MCC: variants seen among roughly 807,000 people sequenced by gnomAD.
MCC encodes the protein colorectal mutant cancer protein.
Under a neutral mutation model 116.2 loss-of-function variants are expected in MCC, and 90 were observed. The ratio of observed to expected loss-of-function variants is 0.77; its 90% CI spans 0.65 to 0.92. The LOEUF (loss-of-function observed/expected upper bound fraction) is 0.92, where lower values mean the gene tolerates loss of function less well. Ranked by LOEUF, MCC falls within the 40% of genes least tolerant of loss-of-function variation. The pLI is 0.00. For missense variants in MCC, 1,516 were observed against 1,312.2 expected (o/e 1.16, Z -2.40); for synonymous variants, 578 against 510.5 (o/e 1.13, Z -1.78).
chr5:113,443,735 C>G (rs996162084), intron 1 of MCC, among the ~76,000 whole-genome samples: 1 of 152,134 alleles, frequency 6.6e-6, no homozygotes, highest in Non-Finnish European at 1.5e-5. Context: ...AAGGCCTTTT[C>G]TGTATCTCTT....
intron 2 of MCC, among the ~76,000 whole-genome samples, chr5:113,348,108 A>G (rs1768177472): frequency 6.6e-6 from 1 of 152,128 alleles, no homozygotes; most frequent in Non-Finnish European, 1.5e-5. Context: ...TCTCAATGCC[A>G]TAATTGCTTG....
chr5:113,062,138 C>A (rs894233275), intron 14 of MCC, among the ~76,000 whole-genome samples: 1 of 152,108 alleles, frequency 6.6e-6, no homozygotes. Flanking sequence ...GAGCTAAAGA[C>A]CTCTGTACTT....
At chr5:113,287,041 A>G (rs1766289697) in intron 3 of MCC, among the ~76,000 whole-genome samples, 1 of 152,108 alleles carries the variant, frequency 6.6e-6, no homozygotes, top group Non-Finnish European at 1.5e-5. Flanking sequence ...CACCCCCAAG[A>G]GTGAAAGATA....
At chr5:113,421,653 C>A (rs1010413701) in intron 1 of MCC, among the ~76,000 whole-genome samples, 1 of 152,138 alleles carries the variant, frequency 6.6e-6, no homozygotes, top group African/African-American at 2.4e-5. Flanking sequence ...TAGGAAGGAC[C>A]CAGACTCTCT....
chr5:113,112,465 C>T (rs1181682594), intron 6 of MCC, among the ~76,000 whole-genome samples: 1 of 152,184 alleles, frequency 6.6e-6, no homozygotes, highest in Admixed American at 6.5e-5. Context: ...GTGCTTGCTT[C>T]CCCTTCACCT....
intron 1 of MCC, among the ~76,000 whole-genome samples, chr5:113,430,218 G>T (rs993276854): frequency 3.3e-5 from 5 of 152,186 alleles, no homozygotes; most frequent in African/African-American, 7.2e-5. Flanking sequence ...AGCCTGGGAG[G>T]TACACCAATC....
At position 113,330,244 on chromosome 5, in the gene MCC, G is replaced by A. The variant is rs530531426; in HGVS notation, c.627+10275C>T. On this transcript the variant is annotated intron_variant, in intron 3 of 18. Coordinates refer to ENST00000408903, the MANE Select transcript of MCC (RefSeq NM_001085377.2). ...GTAATGGAGCAGAGCTCTCTGAACC[G>A]CTTCTGGTTCTGAGAGCTGAGTGAT... Among the ~76,000 whole-genome samples, 110 of 152,262 alleles carry A rather than the reference G, an allele frequency of 7.2e-4. 1 individual carries two copies. The Middle Eastern group carries it at 0.014, about 19-fold the overall frequency.
Position 113,308,231 on chromosome 5 carries a change from T to C in MCC, c.627+32288A>G, listed in dbSNP as rs150957372. Among the ~76,000 whole-genome samples, 1,498 of 152,300 alleles carry C rather than the reference T, an allele frequency of 9.8e-3. 8 individuals carry two copies. Among genetic ancestry groups the C allele is most frequent in the Non-Finnish European group, 0.017 (1,130 of 68,028 alleles). ...AACAATTCTTTGGTGCCTGTCTAAA[T>C]CTTAACAACTTTTTAACTCTTGTCC... On this transcript the variant is annotated intron_variant, in intron 3 of 18. Coordinates refer to ENST00000408903, the MANE Select transcript of MCC (RefSeq NM_001085377.2).
At chr5:113,048,935 T>G in intron 16 of MCC, 158 bp downstream of exon 16, 1 of 681,132 alleles carries the variant, frequency 1.5e-6, no homozygotes. Context: ...TTCATTACAC[T>G]CAAAATGTCA....
At chr5:113,214,689 C>T (rs935385671) in intron 3 of MCC, among the ~76,000 whole-genome samples, 13 of 152,190 alleles carry the variant, frequency 8.5e-5, no homozygotes, top group Non-Finnish European at 1.6e-4. Flanking sequence ...TCCCAGATCA[C>T]TTGGATCTGC....
At chr5:113,417,804 C>T (rs1047735816) in intron 1 of MCC, among the ~76,000 whole-genome samples, 1 of 152,082 alleles carries the variant, frequency 6.6e-6, no homozygotes, top group Non-Finnish European at 1.5e-5. Context: ...TGGTACACGC[C>T]TGTAGTCCTA....
At chr5:113,098,820 TG>T (rs1756210665) in intron 8 of MCC, among the ~76,000 whole-genome samples, 5 of 152,120 alleles carry the variant, frequency 3.3e-5, no homozygotes, top group Admixed American at 2.6e-4. Flanking sequence ...AAAAAGAAAG[TG>T]GCCCCAATTG....
At chr5:113,157,059 CA>C (rs200494826) in intron 3 of MCC, among the ~76,000 whole-genome samples, 2,115 of 152,274 alleles carry the variant, frequency 0.014, 47 homozygotes, top group African/African-American at 0.044. Flanking sequence ...TGCTGTGTGA[CA>C]AAAGGCTTCA....
At chr5:113,412,981 G>C (rs1322125210) in intron 1 of MCC, among the ~76,000 whole-genome samples, 1 of 152,192 alleles carries the variant, frequency 6.6e-6, no homozygotes, top group Admixed American at 6.6e-5. Context: ...TTAGCATGAA[G>C]AGTTGTTGAA....
chr5:113,065,240 T>C (rs779761339), intron 13 of MCC, among the ~76,000 whole-genome samples: 2 of 152,128 alleles, frequency 1.3e-5, no homozygotes, highest in Non-Finnish European at 2.9e-5. Context: ...GTAACTAATA[T>C]ACTACCCTGG....
rs571441488 is a variant in MCC, at chr5:113,041,095, A to G, written c.2756+2435T>C. On this transcript the variant is annotated intron_variant, in intron 17 of 18. Coordinates refer to ENST00000408903, the MANE Select transcript of MCC (RefSeq NM_001085377.2). Reference sequence around the variant, plus strand: ...TCCCGCCCCAAGCAGAGCAACTGCCATTTAACTGCACGGCCAGAGGCTCTG... The same window carrying G: ...TCCCGCCCCAAGCAGAGCAACTGCCGTTTAACTGCACGGCCAGAGGCTCTG... Among the ~76,000 whole-genome samples, 3 of 152,332 alleles carry G rather than the reference A, an allele frequency of 2.0e-5. No individual in the cohort carries two copies. In the South Asian group the frequency reaches 6.2e-4, roughly 32 times the overall value.
chr5:113,315,834 C>G (rs936862214), intron 3 of MCC, among the ~76,000 whole-genome samples: 2 of 151,780 alleles, frequency 1.3e-5, no homozygotes, highest in Non-Finnish European at 2.9e-5. Flanking sequence ...GCCATGATCA[C>G]ACCACTGCGC....
rs552235803 is a variant in MCC, at chr5:113,381,140, T to G, written c.415+3828A>C. ...AGGCAAGGCAAGATATGATGGTGAT[T>G]TGGACACGGTGATGGCAGGAGAGCA... On this transcript the variant is annotated intron_variant, in intron 2 of 18. Coordinates refer to ENST00000408903, the MANE Select transcript of MCC (RefSeq NM_001085377.2). Among the ~76,000 whole-genome samples, 137 of 152,298 alleles carry G rather than the reference T, an allele frequency of 9.0e-4. 3 individuals are homozygous for G. In the South Asian group the frequency reaches 0.028, roughly 31 times the overall value.
At chr5:113,140,232 AT>A (rs1376827343) in intron 5 of MCC, among the ~76,000 whole-genome samples, 2 of 152,180 alleles carry the variant, frequency 1.3e-5, no homozygotes, top group Non-Finnish European at 2.9e-5. Flanking sequence ...ATGGGACATG[AT>A]TATATTTGCC....
Sources: gnomAD v4.1 joint callset for allele counts (sites outside exome capture counted in the v4.1 genomes callset) on GRCh38, gnomAD v4.1.1 for gene constraint, MANE v1.5 for transcripts, NCBI Gene and HGNC (gene_info 2026-07-23, HGNC 2026-07-21) for gene names.